Variants in DOCK3 observed in about 807,000 individuals in gnomAD.
The protein encoded by DOCK3 is dedicator of cytokinesis 3.
DOCK3 carries 60 observed loss-of-function variants against 265.6 expected under a neutral mutation model. The observed-to-expected ratio is 0.23, with a 90% CI of 0.18 to 0.28. DOCK3 has a LOEUF of 0.28. Ranked by LOEUF, DOCK3 falls within the 10% of genes least tolerant of loss-of-function variation. The pLI is 1.00. For synonymous variants in DOCK3, 881 were observed against 938.0 expected (o/e 0.94, Z 1.11); for missense variants, 1,981 against 2,594.3 (o/e 0.76, Z 5.14).
At chr3:51,068,668 G>A (rs2081720001) in intron 6 of DOCK3, among the ~76,000 whole-genome samples, 1 of 152,130 alleles carries the variant, frequency 6.6e-6, no homozygotes, top group Admixed American at 6.5e-5. Flanking sequence ...TGGTGGAAGG[G>A]TAGAGCTGGT....
intron 4 of DOCK3, among the ~76,000 whole-genome samples, chr3:50,926,007 A>G (rs1352555154): frequency 1.3e-5 from 2 of 151,676 alleles, no homozygotes; most frequent in Middle Eastern, 3.4e-3. Context: ...TAACTTTTGT[A>G]TTTTTAGTAG....
At chr3:51,100,861 C>G (rs1576076363) in intron 9 of DOCK3, among the ~76,000 whole-genome samples, 1 of 151,306 alleles carries the variant, frequency 6.6e-6, no homozygotes, top group Non-Finnish European at 1.5e-5. Context: ...ATGGCACAAT[C>G]ATGGCTCACT....
intron 24 of DOCK3, among the ~76,000 whole-genome samples, chr3:51,272,716 C>T (rs766426581): frequency 6.6e-6 from 1 of 152,068 alleles, no homozygotes; most frequent in Non-Finnish European, 1.5e-5. Context: ...AGTAAAGCTG[C>T]CACCAAGAAA....
intron 3 of DOCK3, among the ~76,000 whole-genome samples, chr3:50,842,199 T>A (rs2045875425): frequency 6.6e-6 from 1 of 152,228 alleles, no homozygotes; most frequent in Admixed American, 6.5e-5. Flanking sequence ...TTAATATTAA[T>A]GAAACATAGT....
chr3:51,008,860 C>T (rs994649010), intron 5 of DOCK3, among the ~76,000 whole-genome samples: 4 of 152,072 alleles, frequency 2.6e-5, no homozygotes, highest in African/African-American at 7.2e-5. Context: ...GCCTTTTCTG[C>T]GTCTGTTGAG....
intron 5 of DOCK3, among the ~76,000 whole-genome samples, chr3:51,059,040 A>T (rs1370644308): frequency 6.6e-6 from 1 of 152,154 alleles, no homozygotes; most frequent in Non-Finnish European, 1.5e-5. Context: ...GGTAGTGAAC[A>T]TAGTACCTAA....
intron 12 of DOCK3, among the ~76,000 whole-genome samples, chr3:51,205,173 A>C (rs1484181272): frequency 6.6e-6 from 1 of 150,668 alleles, no homozygotes; most frequent in Non-Finnish European, 1.5e-5. Flanking sequence ...TAATAATAAA[A>C]ATAAATAAAT....
At chr3:50,959,908 A>G (rs963288623) in intron 5 of DOCK3, among the ~76,000 whole-genome samples, 4 of 152,180 alleles carry the variant, frequency 2.6e-5, no homozygotes, top group African/African-American at 9.7e-5. Context: ...AAGATTCCAC[A>G]TGTAAGTGAT....
At chr3:50,814,058 AATACTAATATAATACT>A (rs796356635) in intron 2 of DOCK3, among the ~76,000 whole-genome samples, 103 of 152,246 alleles carry the variant, frequency 6.8e-4, no homozygotes, top group African/African-American at 2.4e-3. Flanking sequence ...TTATAATACT[AATACTAATATAATACT>A]AGTATTTTCT....
intron 1 of DOCK3, among the ~76,000 whole-genome samples, chr3:50,731,933 C>T (rs1047479426): frequency 6.6e-6 from 1 of 151,974 alleles, no homozygotes; most frequent in African/African-American, 2.4e-5. Flanking sequence ...CTCAGATTTG[C>T]AGGCGATCAT....
At chr3:50,737,327 C>T (rs1451222008) in intron 1 of DOCK3, among the ~76,000 whole-genome samples, 1 of 152,146 alleles carries the variant, frequency 6.6e-6, no homozygotes, top group East Asian at 1.9e-4. Context: ...AGGACCAAGA[C>T]AGGGGGTGGG....
At chr3:50,938,817 G>A (rs1312764208) in intron 5 of DOCK3, among the ~76,000 whole-genome samples, 1 of 151,668 alleles carries the variant, frequency 6.6e-6, no homozygotes, top group Non-Finnish European at 1.5e-5. Flanking sequence ...TCAAATCAAT[G>A]ATTGCAGCTC....
In DOCK3 at chr3:51,225,680, G is replaced by A; in HGVS notation, c.1284G>A (p.Leu428=). The change falls in exon 15 of 53, where the codon CTG becomes CTA. Residue 428 remains leucine, a synonymous_variant. Transcript: ENST00000266037. The stretch of plus-strand genomic sequence containing the variant: ...TCCGCAATGACCTGTACCTAACCCT[G>A]GAGAAGGGGGATTTCGAGAGAGGAG... ...GDIRNDLYLT[L]EKGDFERGGK... 6.2e-7 allele frequency: 1 copy of A among 1,613,668 alleles called. No individual in the cohort carries two copies. The highest frequency in any genetic ancestry group is 8.5e-7 in the Non-Finnish European group (1 of 1,179,712).
Position 51,374,576 on chromosome 3 carries a change from G to A in DOCK3, c.5401G>A (p.Glu1801Lys), listed in dbSNP as rs1279245226. 1.1e-5 allele frequency: 18 copies of A among 1,612,306 alleles called. No individual in the cohort carries two copies. The highest frequency in any genetic ancestry group is 1.5e-5 in the Non-Finnish European group (18 of 1,179,234). The change falls in exon 50 of 53, where the codon GAG (glutamate) becomes AAG (lysine). Residue 1801 changes from glutamate (E) to lysine (K), a missense_variant. Physicochemically the swap from Glu to Lys is moderately conservative, Grantham distance 56. Coordinates refer to ENST00000266037, the MANE Select transcript of DOCK3 (RefSeq NM_004947.5). This position sits in a 1 kb window ranked among gnomAD's most constrained non-coding sequence, Gnocchi z 4.8. ...SSAMYPAAIL[E>K]NGQPPNFQRA... ...TGCCATGTATCCAGCAGCCATCCTG[G>A]AGAACGGACAGGTAATAGACCCACC...
At position 51,383,835 on chromosome 3, in the gene DOCK3, C is replaced by CA. The variant is rs1301509685; in HGVS notation, c.*2282dup. Reference sequence around the variant, plus strand: ...CTGTGTATTTGTACAGGAATTTGAGCAAAAAATGTATAGAGTGTGATGTCC... The same window carrying CA: ...CTGTGTATTTGTACAGGAATTTGAGCAAAAAAATGTATAGAGTGTGATGTCC... On this transcript the variant is annotated 3_prime_UTR_variant, in exon 53 of 53. Coordinates refer to ENST00000266037, the MANE Select transcript of DOCK3 (RefSeq NM_004947.5). The CA allele has an allele frequency of 2.0e-5, 3 of 152,592 alleles. No individual in the cohort carries two copies. Among genetic ancestry groups the CA allele is most frequent in the East Asian group, 1.9e-4 (1 of 5,184 alleles). 9.5% of individuals were successfully genotyped at this position (152,592 alleles called of 1,614,324 possible).
At chr3:50,881,142 C>T (rs1468134913) in intron 3 of DOCK3, 1 of 152,068 alleles carries the variant, frequency 6.6e-6, no homozygotes, top group East Asian at 1.9e-4. Flanking sequence ...ATAATAAGAG[C>T]TATTTATGAC....
At chr3:51,179,152 A>G (rs2107707048) in intron 12 of DOCK3, among the ~76,000 whole-genome samples, 1 of 152,344 alleles carries the variant, frequency 6.6e-6, no homozygotes, top group South Asian at 2.1e-4. Context: ...TGTCCAACAA[A>G]CAGAACACAT....
At chr3:51,029,846 G>A (rs1252799094) in intron 5 of DOCK3, among the ~76,000 whole-genome samples, 3 of 152,128 alleles carry the variant, frequency 2.0e-5, no homozygotes, top group African/African-American at 4.8e-5. Flanking sequence ...AGCTAGCATG[G>A]CACCTGCCAT....
chr3:50,919,477 G>A (rs925001100), intron 4 of DOCK3, among the ~76,000 whole-genome samples: 3 of 152,114 alleles, frequency 2.0e-5, no homozygotes, highest in African/African-American at 4.8e-5. Context: ...CACATCCCTT[G>A]TAAGTTATAT....
Sources: gnomAD v4.1 joint callset for allele counts (sites outside exome capture counted in the v4.1 genomes callset) on GRCh38, gnomAD v4.1.1 for gene constraint, Gnocchi (gnomAD v3.1) non-coding constraint, MANE v1.5 for transcripts, NCBI Gene and HGNC (gene_info 2026-07-23, HGNC 2026-07-21) for gene names.